PACRG: variants seen among roughly 807,000 people sequenced by gnomAD.
PACRG encodes parkin coregulated gene protein.
In PACRG, 29 loss-of-function variants were observed where a neutral mutation model predicts 29.7. That is an observed-to-expected ratio of 0.98 (90% CI 0.73 to 1.33). The LOEUF is 1.33. Among genes scored for constraint, PACRG ranks in the 40% most tolerant of loss-of-function variants. The probability of loss-of-function intolerance (pLI) is 0.00; values close to 1 mark genes in which losing one functional copy is unlikely to be tolerated. For missense variants in PACRG, 279 were observed against 316.2 expected (o/e 0.88, Z 0.89); for synonymous variants, 116 against 118.7 (o/e 0.98, Z 0.15).
chr6:163,303,217 G>A (rs920905354), intron 4 of PACRG, among the ~76,000 whole-genome samples: 7 of 152,106 alleles, frequency 4.6e-5, no homozygotes, highest in African/African-American at 9.7e-5. Context: ...CCAGCTACTC[G>A]GGAGGCTGAG....
intron 2 of PACRG, among the ~76,000 whole-genome samples, chr6:163,025,152 A>T (rs1366483562): frequency 2.6e-5 from 4 of 152,184 alleles, no homozygotes; most frequent in Non-Finnish European, 4.4e-5. Flanking sequence ...AAAAGCTCAA[A>T]CCATTCTCCT....
At chr6:163,251,168 C>T (rs1040172781) in intron 4 of PACRG, among the ~76,000 whole-genome samples, 18 of 151,680 alleles carry the variant, frequency 1.2e-4, no homozygotes, top group African/African-American at 3.4e-4. Flanking sequence ...GTATACTGCT[C>T]GGGTGATGTG....
At chr6:162,826,580 CA>C (rs1360097734) in intron 2 of PACRG, among the ~76,000 whole-genome samples, 3 of 151,778 alleles carry the variant, frequency 2.0e-5, no homozygotes, top group Admixed American at 6.6e-5. Flanking sequence ...TCTCCTGCCT[CA>C]GCCTCCCAAG....
chr6:163,228,119 A>G, intron 4 of PACRG, among the ~76,000 whole-genome samples: 1 of 152,064 alleles, frequency 6.6e-6, no homozygotes, highest in South Asian at 2.1e-4. Context: ...TGTTTAAGAT[A>G]TATATGTATA....
chr6:163,138,934 G>A (rs1011692450), intron 4 of PACRG, among the ~76,000 whole-genome samples: 14 of 152,162 alleles, frequency 9.2e-5, no homozygotes, highest in African/African-American at 3.4e-4. Flanking sequence ...TTCTAGACTA[G>A]TCATCCAAAA....
intron 4 of PACRG, among the ~76,000 whole-genome samples, chr6:163,114,299 A>G (rs866587329): frequency 2.0e-5 from 3 of 152,184 alleles, no homozygotes; most frequent in Non-Finnish European, 2.9e-5. Context: ...GTGCTGTTGC[A>G]TAGGAGCATT....
At chr6:162,919,116 G>A (rs542715376) in intron 2 of PACRG, among the ~76,000 whole-genome samples, 1 of 152,170 alleles carries the variant, frequency 6.6e-6, no homozygotes, top group Non-Finnish European at 1.5e-5. Context: ...TTTGGGATGA[G>A]CTTTCTAGAA....
At chr6:163,200,906 G>A (rs1454046292) in intron 4 of PACRG, among the ~76,000 whole-genome samples, 2 of 152,162 alleles carry the variant, frequency 1.3e-5, no homozygotes, top group Admixed American at 6.5e-5. Context: ...GGCATTCCTG[G>A]GCCCCAGAAC....
At chr6:162,727,315 A>AGGTGAGGGGCGGCGGCGGGGCGCC, upstream of PACRG, 2 of 347,814 alleles carry the variant, frequency 5.8e-6, no homozygotes, top group Non-Finnish European at 1.0e-5. Context: ...GGCGGGGCGA[A>AGGTGAGGGGCGGCGGCGGGGCGCC]GGTGAGGGGC....
intron 4 of PACRG, among the ~76,000 whole-genome samples, chr6:163,297,606 A>C (rs1784825008): frequency 6.6e-6 from 1 of 152,146 alleles, no homozygotes. Context: ...AAATGTAGAA[A>C]TGCCAACACA....
intron 2 of PACRG, among the ~76,000 whole-genome samples, chr6:162,829,699 T>C (rs1788583062): frequency 6.6e-6 from 1 of 152,188 alleles, no homozygotes; most frequent in African/African-American, 2.4e-5. Context: ...ATGTTGCCTT[T>C]TCTCTTCAGA....
At position 162,728,357 on chromosome 6, in the gene PACRG, G is replaced by GT; in HGVS notation, c.125dup (p.Thr43HisfsTer21). 6.2e-7 allele frequency: 1 copy of GT among 1,613,596 alleles called. No individual in the cohort carries two copies. Among genetic ancestry groups the GT allele is most frequent in the Non-Finnish European group, 8.5e-7 (1 of 1,180,006 alleles). On this transcript the variant is annotated frameshift_variant, in exon 1 of 5. Coordinates refer to ENST00000366888, the MANE Select transcript of PACRG (RefSeq NM_001080379.2). LOFTEE classifies it high-confidence loss of function. The stretch of plus-strand genomic sequence containing the variant: ...CAGCCTCACTCTCTGGTTTCTGAGG[G>GT]TTTCACAGTCAAAGCCATGATGAAA...
Position 162,831,979 on chromosome 6 carries a change from G to A in PACRG, c.291+17698G>A, listed in dbSNP as rs148547262. Among the ~76,000 whole-genome samples, 1,038 of 152,328 alleles carry A rather than the reference G, an allele frequency of 6.8e-3. 7 individuals are homozygous for A. Among genetic ancestry groups the A allele is most frequent in the Non-Finnish European group, 0.013 (852 of 68,030 alleles). On this transcript the variant is annotated intron_variant, in intron 2 of 4. Transcript: ENST00000366888. ...CACTGAAGTGAATGTACACATGCAT[G>A]TATCTTTATAATAGAATGATTTATA...
intron 2 of PACRG, among the ~76,000 whole-genome samples, chr6:162,878,545 T>A (rs779905364): frequency 1.7e-4 from 26 of 152,216 alleles, no homozygotes; most frequent in Non-Finnish European, 3.7e-4. Flanking sequence ...GTTACTTGGA[T>A]TCAAAGAGTG....
chr6:163,091,376 A>G (rs1241926204), intron 4 of PACRG, among the ~76,000 whole-genome samples: 1 of 152,234 alleles, frequency 6.6e-6, no homozygotes, highest in African/African-American at 2.4e-5. Flanking sequence ...AAAGAAAATT[A>G]TTGACTTTAA....
At chr6:162,913,459 A>G (rs1796455128) in intron 2 of PACRG, among the ~76,000 whole-genome samples, 1 of 152,184 alleles carries the variant, frequency 6.6e-6, no homozygotes, top group African/African-American at 2.4e-5. Context: ...TTCACTTGTC[A>G]GTAGGCATTT....
At position 163,034,919 on chromosome 6, in the gene PACRG, C is replaced by T. The variant is rs138104540; in HGVS notation, c.292-27231C>T. 6.0e-4 allele frequency among the ~76,000 whole-genome samples: 92 copies of T among 152,304 alleles called. 3 individuals carry two copies. In the East Asian group the frequency reaches 0.017, roughly 28 times the overall value. On this transcript the variant is annotated intron_variant, in intron 2 of 4. Coordinates refer to ENST00000366888, the MANE Select transcript of PACRG (RefSeq NM_001080379.2). ...ATCGCTACTCCATTGACAGAGCAGC[C>T]GTGAGGGCTGTTGGTTGCCCATTTT...
chr6:163,231,534 A>G (rs1020857305), intron 4 of PACRG, among the ~76,000 whole-genome samples: 2 of 152,162 alleles, frequency 1.3e-5, no homozygotes, highest in Admixed American at 6.5e-5. Context: ...TTCCATACAG[A>G]TGGATCAGCA....
At chr6:162,806,769 G>A (rs1382607206) in intron 1 of PACRG, among the ~76,000 whole-genome samples, 1 of 152,154 alleles carries the variant, frequency 6.6e-6, no homozygotes, top group Non-Finnish European at 1.5e-5. Context: ...GTGACCACTG[G>A]CTTCAACTTA....
Sources: allele counts gnomAD v4.1 joint callset (sites outside exome capture counted in the v4.1 genomes callset), GRCh38; gene constraint gnomAD v4.1.1; transcripts MANE v1.5; gene names NCBI Gene and HGNC (gene_info 2026-07-23, HGNC 2026-07-21).